ZNF142: variants seen among roughly 807,000 people sequenced by gnomAD.
The protein encoded by ZNF142 is zinc finger protein 142 (clone pHZ-49).
ZNF142 carries 96 observed loss-of-function variants against 132.1 expected under a neutral mutation model. That is an observed-to-expected ratio of 0.73 (90% confidence interval 0.62 to 0.86). The LOEUF (loss-of-function observed/expected upper bound fraction) is 0.86, where lower values mean the gene tolerates loss of function less well. Ranked by LOEUF, ZNF142 falls within the 40% of genes least tolerant of loss-of-function variation. The pLI, the probability that ZNF142 is intolerant of heterozygous loss-of-function variation, is 0.00. For synonymous variants in ZNF142, 842 were observed against 890.1 expected, an observed-to-expected ratio of 0.95 and a Z score of 0.96; for missense variants, 2,163 against 2,336.2, an observed-to-expected ratio of 0.93 and a Z score of 1.53.
intron 5 of ZNF142, 89 bp downstream of exon 5, chr2:218,651,612 A>G: frequency 8.4e-7 from 1 of 1,190,024 alleles, no homozygotes; most frequent in Non-Finnish European, 1.1e-6. Flanking sequence ...ATTCATGTAC[A>G]TTCATGGCCT....
chr2:218,636,269 C>A lies in ZNF142; in HGVS notation c.*2070G>T, dbSNP rs376674227. On this transcript the variant is annotated 3_prime_UTR_variant, in exon 11 of 11. Coordinates refer to ENST00000411696, the MANE Select transcript of ZNF142 (RefSeq NM_001379659.1). ...TTTTAATCCATACTGGGGGCAGACA[C>A]TATGTTTCCGGGTGCTGGTGCCTGA... is the stretch of plus-strand genomic sequence containing the variant. 4 of 1,613,936 alleles carry A rather than the reference C, an allele frequency of 2.5e-6. No individual in the cohort carries two copies. Among genetic ancestry groups the A allele is most frequent in the African/African-American group, 1.3e-5 (1 of 74,936 alleles).
chr2:218,644,773 G>T lies in ZNF142; in HGVS notation c.2343C>A (p.Arg781=). ...REFHCALCDY[R]TFSNTTLLFH... ...ACAAGAGTGTGGTGTTGCTGAAGGT[G>T]CGGTAGTCACAGAGGGCACAGTGGA... The change falls in exon 9 of 11, where the codon CGC becomes CGA. Residue 781 remains arginine (R), a synonymous_variant. Transcript: ENST00000411696. The surrounding 1 kb of genome is among the most constrained non-coding windows in gnomAD (Gnocchi z 4.6). The T allele has an allele frequency of 6.2e-7, 1 of 1,614,220 alleles. No homozygotes were observed. Among genetic ancestry groups the T allele is most frequent in the Non-Finnish European group, 8.5e-7 (1 of 1,180,038 alleles).
In ZNF142 at chr2:218,643,409, G is replaced by T; in HGVS notation, c.3707C>A (p.Ser1236Tyr). 1 of 1,614,236 alleles carries T rather than the reference G, an allele frequency of 6.2e-7. No homozygotes were observed. The highest frequency in any genetic ancestry group is 8.5e-7 in the Non-Finnish European group (1 of 1,180,042). Residue 1236 changes from serine (S) to tyrosine (Y), a missense_variant, in exon 9 of 11, where the codon TCC becomes TAC. Around this residue, in one of 7 missense-constraint regions of ZNF142, gnomAD observed 809 missense variants for 801.7 expected, o/e 1.01. Coordinates refer to ENST00000411696, the MANE Select transcript of ZNF142 (RefSeq NM_001379659.1). ...GTGAGAGGTAATAGAGGAGAGCCGG[G>T]AACAAAGGAATGGGCAGGAGTTGCA... is the stretch of plus-strand genomic sequence containing the variant. ...FHCNSCPFLC[S>Y]RLSSITSHVA...
At position 218,638,458 on chromosome 2, in the gene ZNF142, C is replaced by T. The variant is rs201648820; in HGVS notation, c.5545G>A (p.Asp1849Asn). ...TCTTTGCCCACACCCTGGTTTGGGT[C>T]GGCTTGGTCAGGGTGGTGCCTGCGT... is the stretch of plus-strand genomic sequence containing the variant. ...HVRRHHPDQA[D>N]PNQGVGKDPT... The change falls in exon 11 of 11, where the codon GAC becomes AAC. Residue 1849 changes from aspartate (D) to asparagine (N), a missense_variant. By Grantham distance (23) the Asp-to-Asn change is conservative. Around this residue, in one of 7 missense-constraint regions of ZNF142, gnomAD observed 325 missense variants for 367.8 expected, o/e 0.88. Coordinates refer to ENST00000411696, the MANE Select transcript of ZNF142 (RefSeq NM_001379659.1). 1.1e-5 allele frequency: 17 copies of T among 1,583,652 alleles called. No individual in the cohort carries two copies. The highest frequency in any genetic ancestry group is 1.1e-4 in the African/African-American group (8 of 74,616).
chr2:218,635,922 G>C lies in ZNF142; in HGVS notation c.*2417C>G, dbSNP rs1318917046. 1 of 1,614,030 alleles carries C rather than the reference G, an allele frequency of 6.2e-7. No homozygotes were observed. Among genetic ancestry groups the C allele is most frequent in the Non-Finnish European group, 8.5e-7 (1 of 1,179,896 alleles). Reference sequence around the variant, plus strand: ...AGCACGGCAGGAGACCAACTATGTGGAGAACAATGGTGAGAAACTGGCAGT... The same window carrying C: ...AGCACGGCAGGAGACCAACTATGTGCAGAACAATGGTGAGAAACTGGCAGT... On this transcript the variant is annotated 3_prime_UTR_variant, in exon 11 of 11. Coordinates refer to ENST00000411696, the MANE Select transcript of ZNF142 (RefSeq NM_001379659.1).
At chr2:218,651,606 A>G in intron 5 of ZNF142, 95 bp downstream of exon 5, 1 of 1,181,026 alleles carries the variant, frequency 8.5e-7, no homozygotes, top group Non-Finnish European at 1.1e-6. Context: ...TCTTATATTC[A>G]TGTACATTCA....
Position 218,642,216 on chromosome 2 carries a change from G to A in ZNF142, c.4900C>T (p.Arg1634Cys), listed in dbSNP as rs759433449. 3.0e-5 allele frequency: 48 copies of A among 1,614,064 alleles called. No homozygotes were observed. The Admixed American group carries it at 5.7e-4, about 19-fold the overall frequency. Reference sequence around the variant, plus strand: ...TGGTGATCTAGTACCAGCTGATGGCGGCATGTGAAGTCACAAAAGGGGCAG... The same window carrying A: ...TGGTGATCTAGTACCAGCTGATGGCAGCATGTGAAGTCACAAAAGGGGCAG... ...LHCPFCDFTCRHQLVLDHHVK... is the reference protein window; with the variant it reads ...LHCPFCDFTCCHQLVLDHHVK... The change falls in exon 9 of 11, where the codon CGC becomes TGC. Residue 1634 changes from arginine (R) to cysteine (C), a missense_variant. Arg to Cys is a radical substitution (Grantham distance 180, BLOSUM62 -3). Coordinates refer to ENST00000411696, the MANE Select transcript of ZNF142 (RefSeq NM_001379659.1). The surrounding 1 kb of genome is among the most constrained non-coding windows in gnomAD (Gnocchi z 4.6).
rs951199211 is a variant in ZNF142, at chr2:218,636,161, A to T, written c.*2178T>A. 7.6e-5 allele frequency: 112 copies of T among 1,481,398 alleles called. No individual in the cohort carries two copies. The highest frequency in any genetic ancestry group is 1.7e-4 in the Middle Eastern group (1 of 5,730). The allele number at this position is 1,481,398 out of a possible 1,614,324, so 91.8% of individuals were successfully genotyped here. A position where few individuals can be genotyped will look rare whatever the true frequency, so the allele number is the denominator to read the frequency against. On this transcript the variant is annotated 3_prime_UTR_variant, in exon 11 of 11. Transcript: ENST00000411696. ...CTGTAAAATGCTGATTGCCATCTAG[A>T]TTAAATGAGAACACAAGAAAAGCAA...
chr2:218,645,146 C>CCCA, intron 8 of ZNF142, 82 bp from the exon 9 acceptor site: 1 of 1,520,120 alleles, frequency 6.6e-7, no homozygotes, highest in Non-Finnish European at 8.9e-7. Flanking sequence ...TTACTGTGGG[C>CCCA]CAGGCTCTGC....
At position 218,646,230 on chromosome 2, in the gene ZNF142, A is replaced by G. The variant is rs541201486; in HGVS notation, c.1992T>C (p.Tyr664=). 4 of 1,614,206 alleles carry G rather than the reference A, an allele frequency of 2.5e-6. No individual in the cohort carries two copies. In the African/African-American group the frequency reaches 5.3e-5, roughly 22 times the overall value. The change falls in exon 8 of 11, where the codon TAT becomes TAC. Residue 664 remains tyrosine, a synonymous_variant. Coordinates refer to ENST00000411696, the MANE Select transcript of ZNF142 (RefSeq NM_001379659.1). ...TKDYMCTECG[Y]VTKWKHYLRV... is the part of the protein sequence containing the mutation. Reference sequence around the variant, plus strand: ...GGAGGTAGTGCTTCCACTTGGTGACATAGCCACATTCAGTGCACATGTAAT... The same window carrying G: ...GGAGGTAGTGCTTCCACTTGGTGACGTAGCCACATTCAGTGCACATGTAAT...
intron 4 of ZNF142, among the ~76,000 whole-genome samples, chr2:218,652,549 T>C (rs1277035732): frequency 6.6e-6 from 1 of 152,078 alleles, no homozygotes; most frequent in Non-Finnish European, 1.5e-5. Flanking sequence ...GTTAAATGAG[T>C]GAACAAGCAA....
Position 218,656,248 on chromosome 2 carries a change from A to C in ZNF142, c.182T>G (p.Val61Gly). ...TCCCTCTTCAGTTGCTGTGGCCTCT[A>C]CCAGCAGGCAGCCTGGCTCAGTAGG... is the stretch of plus-strand genomic sequence containing the variant. Reference protein sequence around the residue: ...PIPTEPGCLLVEATATEEGPG... With the variant: ...PIPTEPGCLLGEATATEEGPG... The change falls in exon 4 of 11, where the codon GTA becomes GGA. Residue 61 changes from valine to glycine, a missense_variant. Around this residue, in one of 7 missense-constraint regions of ZNF142, gnomAD observed 195 missense variants for 172.4 expected, o/e 1.13. Transcript: ENST00000411696. 6.2e-7 allele frequency: 1 copy of C among 1,613,596 alleles called. No individual in the cohort carries two copies. Among genetic ancestry groups the C allele is most frequent in the Non-Finnish European group, 8.5e-7 (1 of 1,179,752 alleles).
At chr2:218,647,581 G>A (rs536853445) in intron 7 of ZNF142, among the ~76,000 whole-genome samples, 54 of 152,186 alleles carry the variant, frequency 3.5e-4, no homozygotes, top group African/African-American at 1.3e-3. Flanking sequence ...ATGTGGGTTT[G>A]AGCAGTCTGT....
intron 10 of ZNF142, among the ~76,000 whole-genome samples, chr2:218,639,803 C>A (rs1697021785): frequency 6.7e-6 from 1 of 148,736 alleles, no homozygotes. Flanking sequence ...TGCCTGTAAT[C>A]CCAGCACTTT....
chr2:218,638,273 AGC>A lies in ZNF142; in HGVS notation c.*64_*65del. ...CCTTAGGCTCTGAGCTCCTCAGGCTAGCGCTGGTCCCAGTCTGCACATCTCAG... is the reference window on the plus strand; with the variant it reads ...CCTTAGGCTCTGAGCTCCTCAGGCTAGCTGGTCCCAGTCTGCACATCTCAG... On this transcript the variant is annotated 3_prime_UTR_variant, in exon 11 of 11. Coordinates refer to ENST00000411696, the MANE Select transcript of ZNF142 (RefSeq NM_001379659.1). 7.1e-7 allele frequency: 1 copy of A among 1,412,572 alleles called. No homozygotes were observed. The highest frequency in any genetic ancestry group is 2.6e-4 in the Middle Eastern group (1 of 3,826). 87.5% of individuals were successfully genotyped at this position (1,412,572 alleles called of 1,614,324 possible).
chr2:218,638,311 C>A lies in ZNF142; in HGVS notation c.*28G>T. ...GTCTGCACATCTCAGACCATACCCT[C>A]TTCCTATACAGGAGGTGGGGCAGGC... On this transcript the variant is annotated 3_prime_UTR_variant, in exon 11 of 11. Coordinates refer to ENST00000411696, the MANE Select transcript of ZNF142 (RefSeq NM_001379659.1). 2.7e-6 allele frequency: 4 copies of A among 1,492,140 alleles called. No individual in the cohort carries two copies. The highest frequency in any genetic ancestry group is 1.4e-5 in the South Asian group (1 of 72,014). 92.4% of individuals were successfully genotyped at this position (1,492,140 alleles called of 1,614,324 possible).
chr2:218,643,718 G>C lies in ZNF142; in HGVS notation c.3398C>G (p.Ala1133Gly), dbSNP rs1214913138. The C allele has an allele frequency of 6.2e-7, 1 of 1,603,800 alleles. No individual in the cohort carries two copies. Among genetic ancestry groups the C allele is most frequent in the Non-Finnish European group, 8.5e-7 (1 of 1,175,866 alleles). ...AGCATCTTTTGGAAGCAGTAGCTCTGCTTCTTGTGATGCAGGTGGGGGCTT... is the reference window on the plus strand; with the variant it reads ...AGCATCTTTTGGAAGCAGTAGCTCTCCTTCTTGTGATGCAGGTGGGGGCTT... ...SGKPPPASQE[A>G]ELLLPKDAPL... The change falls in exon 9 of 11, where the codon GCA (alanine) becomes GGA (glycine). Residue 1133 changes from alanine (A) to glycine (G), a missense_variant. Ala to Gly is a moderately conservative substitution (Grantham distance 60, BLOSUM62 0). Coordinates refer to ENST00000411696, the MANE Select transcript of ZNF142 (RefSeq NM_001379659.1).
At chr2:218,650,680 T>C (rs982292028) in intron 5 of ZNF142, among the ~76,000 whole-genome samples, 154 bp from the exon 6 acceptor site, 3 of 152,204 alleles carry the variant, frequency 2.0e-5, no homozygotes, top group Non-Finnish European at 4.4e-5. Flanking sequence ...CCACTCAAGA[T>C]GAAAATAGGA....
At position 218,652,346 on chromosome 2, in the gene ZNF142, C is replaced by T. The variant is rs192984634; in HGVS notation, c.281-46G>A. On this transcript the variant is annotated intron_variant, in intron 4 of 10. Coordinates refer to ENST00000411696, the MANE Select transcript of ZNF142 (RefSeq NM_001379659.1). ...GAGAAAGGCATAGAATCAGATGGAACAAGACTCATAGGAGTTAGTTACTAG... is the reference window on the plus strand; with the variant it reads ...GAGAAAGGCATAGAATCAGATGGAATAAGACTCATAGGAGTTAGTTACTAG... 114 of 455,768 alleles carry T rather than the reference C, an allele frequency of 2.5e-4. No homozygotes were observed. In the Admixed American group the frequency reaches 2.7e-3, roughly 11 times the overall value. The allele number at this position is 455,768 out of a possible 1,614,324, so 28.2% of individuals were successfully genotyped here. A position where few individuals can be genotyped will look rare whatever the true frequency, so the allele number is the denominator to read the frequency against.
Sources: allele counts gnomAD v4.1 joint callset (sites outside exome capture counted in the v4.1 genomes callset), GRCh38; gene constraint gnomAD v4.1.1; regional missense constraint gnomAD v4.1.1; non-coding constraint Gnocchi (gnomAD v3.1); transcripts MANE v1.5; gene names NCBI Gene and HGNC (gene_info 2026-07-23, HGNC 2026-07-21).